The following CASK variants were observed in gnomAD, a reference collection of about 807,000 sequenced individuals.
The protein encoded by CASK is calcium/calmodulin dependent serine protein kinase.
CASK carries 4 observed loss-of-function variants against 82.9 expected under a neutral mutation model. The observed-to-expected ratio is 0.05, with a 90% CI of 0.02 to 0.11. The LOEUF is 0.11. CASK is among the 10% of genes least tolerant of loss of function. CASK has a pLI of 1.00. For synonymous variants in CASK, 259 were observed against 253.5 expected (o/e 1.02, Z -0.20); for missense variants, 358 against 720.9 (o/e 0.50, Z 5.76).
intron 20 of CASK, 133 bp downstream of exon 20, chrX:41,555,467 T>G: frequency 2.0e-6 from 1 of 509,951 alleles, no homozygotes. Flanking sequence ...TGTGTTAAAA[T>G]GAAATGGTAC....
chrX:41,785,739 T>C (rs1263309729), intron 3 of CASK, among the ~76,000 whole-genome samples: 1 of 112,091 alleles, frequency 8.9e-6, no homozygotes, highest in South Asian at 3.7e-4. Flanking sequence ...TAGCCCTTTG[T>C]AGGGGGCAAC....
chrX:41,887,035 C>A (rs1298180905), intron 1 of CASK, among the ~76,000 whole-genome samples: 4 of 110,619 alleles, frequency 3.6e-5, no homozygotes, highest in African/African-American at 6.6e-5. Context: ...CTCTCCCGTA[C>A]AAATTTATCT....
chrX:41,715,039 T>C (rs189830879), intron 5 of CASK, among the ~76,000 whole-genome samples: 1 of 112,429 alleles, frequency 8.9e-6, no homozygotes, highest in East Asian at 2.8e-4. Flanking sequence ...TTGCTTGGTG[T>C]GTAAATGACA....
At chrX:41,649,313 CTT>C (rs2066821918) in intron 8 of CASK, among the ~76,000 whole-genome samples, 1 of 111,257 alleles carries the variant, frequency 9.0e-6, no homozygotes, top group Non-Finnish European at 1.9e-5. Flanking sequence ...TGTGTTTGCT[CTT>C]GTTTCTCTAG....
At chrX:41,604,659 T>C (rs1388971001) in intron 12 of CASK, among the ~76,000 whole-genome samples, 1 of 111,548 alleles carries the variant, frequency 9.0e-6, no homozygotes, top group African/African-American at 3.3e-5. Flanking sequence ...CAAACTAATG[T>C]CAAATTGTAC....
At chrX:41,909,814 C>T (rs896475033) in intron 1 of CASK, among the ~76,000 whole-genome samples, 1 of 111,905 alleles carries the variant, frequency 8.9e-6, no homozygotes, top group African/African-American at 3.2e-5. Context: ...ACCATGTTGC[C>T]TGGGCTGGTC....
At chrX:41,869,812 CAA>C (rs72190097) in intron 1 of CASK, among the ~76,000 whole-genome samples, 3 of 12,116 alleles carry the variant, frequency 2.5e-4, no homozygotes, top group African/African-American at 8.5e-4. Context: ...GACTCTGTCT[CAA>C]AAAAAAAAAA....
At chrX:41,591,304 T>G (rs2065740925) in intron 12 of CASK, among the ~76,000 whole-genome samples, 1 of 109,248 alleles carries the variant, frequency 9.2e-6, no homozygotes, top group African/African-American at 3.3e-5. Context: ...CAATAAAAAA[T>G]AGTAAAACAA....
chrX:41,592,912 C>T (rs2065768102), intron 12 of CASK, among the ~76,000 whole-genome samples: 1 of 111,930 alleles, frequency 8.9e-6, no homozygotes, highest in African/African-American at 3.2e-5. Flanking sequence ...TCTATCCATA[C>T]AACTTCATAG....
At chrX:41,649,428 G>A (rs902493635) in intron 8 of CASK, among the ~76,000 whole-genome samples, 2 of 111,890 alleles carry the variant, frequency 1.8e-5, no homozygotes, top group Non-Finnish European at 3.8e-5. Flanking sequence ...TGCTTTAAAT[G>A]TGTCCCAGAG....
chrX:41,828,486 A>G (rs1432828313), intron 2 of CASK, among the ~76,000 whole-genome samples: 2 of 112,157 alleles, frequency 1.8e-5, no homozygotes, highest in African/African-American at 3.2e-5. Context: ...AAAAAATACT[A>G]CACATTATAG....
chrX:41,596,624 T>C (rs969417177), intron 12 of CASK, among the ~76,000 whole-genome samples: 26 of 112,183 alleles, frequency 2.3e-4, no homozygotes, highest in Non-Finnish European at 1.1e-4. Flanking sequence ...CTGTTTACTC[T>C]CTTTTTCTAA....
intron 2 of CASK, among the ~76,000 whole-genome samples, chrX:41,845,905 C>T (rs1394812590): frequency 9.0e-6 from 1 of 111,145 alleles, no homozygotes; most frequent in Non-Finnish European, 1.9e-5. Context: ...TGGCTTTTAT[C>T]TAAAAGTTAG....
At chrX:41,794,125 C>G (rs1199038297) in intron 2 of CASK, among the ~76,000 whole-genome samples, 1 of 111,845 alleles carries the variant, frequency 8.9e-6, no homozygotes. Context: ...TTCACACACA[C>G]AAACAGAAAT....
At chrX:41,758,246 C>T (rs1341346708) in intron 3 of CASK, among the ~76,000 whole-genome samples, 1 of 109,986 alleles carries the variant, frequency 9.1e-6, no homozygotes, top group Non-Finnish European at 1.9e-5. Flanking sequence ...ACCAGCCTGG[C>T]CAACGTGGTG....
At chrX:41,624,381 T>C in intron 10 of CASK, 1 of 304,568 alleles carries the variant, frequency 3.3e-6, no homozygotes, top group South Asian at 3.1e-5. Context: ...TGGCAAGGCT[T>C]TCTCCTCAGT....
intron 5 of CASK, among the ~76,000 whole-genome samples, chrX:41,710,739 A>C (rs1362059561): frequency 8.9e-6 from 1 of 112,266 alleles, no homozygotes; most frequent in African/African-American, 3.2e-5. Context: ...AGGCAGGATT[A>C]GAGGGTTGGG....
intron 13 of CASK, chrX:41,587,212 A>C: frequency 3.2e-6 from 1 of 309,292 alleles, no homozygotes. Flanking sequence ...ATAACCTAAA[A>C]GGTTATTGAA....
chrX:41,611,111 G>C lies in CASK; in HGVS notation c.1034-1086C>G, dbSNP rs191291317. ...ATTGCTATCTAGTGGGTAGAGGTCA[G>C]GGATGCTGCTAAACATCCTACAATA... On this transcript the variant is annotated intron_variant, in intron 11 of 26. Coordinates refer to ENST00000378163, the MANE Select transcript of CASK (RefSeq NM_001367721.1). Among the ~76,000 whole-genome samples the C allele has an allele frequency of 1.7e-4, 19 of 111,568 alleles. No individual in the cohort carries two copies. The East Asian group carries it at 5.4e-3, about 31-fold the overall frequency.
Sources: allele counts gnomAD v4.1 joint callset (sites outside exome capture counted in the v4.1 genomes callset), GRCh38; gene constraint gnomAD v4.1.1; transcripts MANE v1.5; gene names NCBI Gene and HGNC (gene_info 2026-07-23, HGNC 2026-07-21).